NRXN1: variants seen among roughly 807,000 people sequenced by gnomAD.
NRXN1 encodes neurexin 1, also known as neurexin-1.
In NRXN1, 39 loss-of-function variants were observed where a neutral mutation model predicts 150.9. The ratio of observed to expected loss-of-function variants is 0.26; its 90% confidence interval spans 0.20 to 0.34. NRXN1 has a LOEUF of 0.34. Ranked by LOEUF, NRXN1 falls within the 10% of genes least tolerant of loss-of-function variation. The pLI, the probability that NRXN1 is intolerant of heterozygous loss-of-function variation, is 1.00. For synonymous variants in NRXN1, 924 were observed against 757.0 expected (o/e 1.22, Z -3.62); for missense variants, 1,815 against 1,949.9 (o/e 0.93, Z 1.30).
intron 17 of NRXN1, 137 bp downstream of exon 17, chr2:50,465,305 G>T: frequency 1.4e-6 from 1 of 738,488 alleles, no homozygotes; most frequent in Non-Finnish European, 1.9e-6. Context: ...CCTTTCCGTA[G>T]AAACAACTGC....
At chr2:50,827,362 C>T (rs1269092502) in intron 5 of NRXN1, among the ~76,000 whole-genome samples, 1 of 152,122 alleles carries the variant, frequency 6.6e-6, no homozygotes, top group East Asian at 1.9e-4. Flanking sequence ...GCTGTGAAAA[C>T]TCACAATAAT....
chr2:50,965,464 A>T lies in NRXN1; in HGVS notation c.773-39509T>A, dbSNP rs181798112. On this transcript the variant is annotated intron_variant, in intron 2 of 22. Coordinates refer to ENST00000401669, the MANE Select transcript of NRXN1 (RefSeq NM_001330078.2). ...TTTGCAAAATAACCGTTTGATTTTT[A>T]AAAAAAATAATAATTTTCAAACTGA... 4.2e-3 allele frequency among the ~76,000 whole-genome samples: 643 copies of T among 151,464 alleles called. 3 individuals are homozygous for T. The highest frequency in any genetic ancestry group is 0.012 in the African/African-American group (494 of 41,464).
chr2:50,117,580 G>A lies in NRXN1; in HGVS notation c.3547-26086C>T, dbSNP rs537794380. 2.0e-5 allele frequency among the ~76,000 whole-genome samples: 3 copies of A among 152,224 alleles called. No individual in the cohort carries two copies. In the East Asian group the frequency reaches 5.8e-4, roughly 29 times the overall value. ...CAAACACCAAGGTAAAGATGGATTA[G>A]AAGAACAAGTATTAAATGAATACAC... On this transcript the variant is annotated intron_variant, in intron 18 of 22. Coordinates refer to ENST00000401669, the MANE Select transcript of NRXN1 (RefSeq NM_001330078.2).
chr2:50,786,646 TC>T (rs1435641638), intron 5 of NRXN1, among the ~76,000 whole-genome samples: 4 of 152,138 alleles, frequency 2.6e-5, no homozygotes, highest in African/African-American at 9.7e-5. Flanking sequence ...TCAATTTTGA[TC>T]CGAGACACAT....
chr2:50,899,398 C>A (rs756210015), intron 5 of NRXN1, among the ~76,000 whole-genome samples: 1 of 152,068 alleles, frequency 6.6e-6, no homozygotes, highest in Non-Finnish European at 1.5e-5. Context: ...AAAGGAGGGT[C>A]TTCCCACTAC....
At chr2:49,936,816 G>GCGCA (rs202032583) in intron 22 of NRXN1, among the ~76,000 whole-genome samples, 3 of 149,888 alleles carry the variant, frequency 2.0e-5, no homozygotes, top group Non-Finnish European at 3.0e-5. Context: ...AAAAACATAT[G>GCGCA]TACACACACA....
At chr2:50,097,685 G>T (rs1700421631) in intron 18 of NRXN1, among the ~76,000 whole-genome samples, 1 of 151,764 alleles carries the variant, frequency 6.6e-6, no homozygotes, top group Non-Finnish European at 1.5e-5. Context: ...TATTGCCCAG[G>T]CTGGAGTGCA....
At chr2:50,380,228 A>G (rs1293184049) in intron 17 of NRXN1, among the ~76,000 whole-genome samples, 1 of 151,914 alleles carries the variant, frequency 6.6e-6, no homozygotes, top group Non-Finnish European at 1.5e-5. Flanking sequence ...ACTGTGTGCA[A>G]ATCTACTCAA....
At chr2:50,190,608 T>C (rs573764471) in intron 18 of NRXN1, among the ~76,000 whole-genome samples, 7 of 128,336 alleles carry the variant, frequency 5.5e-5, no homozygotes, top group Admixed American at 3.2e-4. Flanking sequence ...TCTAACTTTT[T>C]TTTTCTTTTT....
chr2:50,125,831 C>A (rs530245313), intron 18 of NRXN1, among the ~76,000 whole-genome samples: 183 of 152,118 alleles, frequency 1.2e-3, no homozygotes, highest in African/African-American at 4.2e-3. Flanking sequence ...AGAGAACCTG[C>A]ATATTTTTTG....
chr2:50,543,929 T>C (rs2093439494), intron 9 of NRXN1, among the ~76,000 whole-genome samples: 1 of 152,138 alleles, frequency 6.6e-6, no homozygotes, highest in Admixed American at 6.5e-5. Flanking sequence ...GAAAATCCGA[T>C]GTTCCAGCTC....
At chr2:50,227,722 T>C (rs889735188) in intron 18 of NRXN1, among the ~76,000 whole-genome samples, 2 of 151,980 alleles carry the variant, frequency 1.3e-5, no homozygotes, top group Admixed American at 6.6e-5. Flanking sequence ...GTTAGAAGGC[T>C]ATTGCAACAG....
intron 8 of NRXN1, among the ~76,000 whole-genome samples, chr2:50,591,498 T>G (rs114911997): frequency 2.1e-4 from 32 of 152,236 alleles, no homozygotes; most frequent in African/African-American, 7.2e-4. Context: ...AAGGAAAAAG[T>G]AAGCCAAACA....
intron 2 of NRXN1, among the ~76,000 whole-genome samples, chr2:50,994,992 C>G (rs761470897): frequency 6.6e-6 from 1 of 151,832 alleles, no homozygotes; most frequent in Non-Finnish European, 1.5e-5. Context: ...TGTCTGTTCT[C>G]AGTTTAAGAG....
intron 8 of NRXN1, among the ~76,000 whole-genome samples, chr2:50,613,869 C>A (rs1022070712): frequency 8.5e-5 from 13 of 152,086 alleles, no homozygotes; most frequent in Non-Finnish European, 1.9e-4. Flanking sequence ...ACCCAGGTGG[C>A]GGAGCTTGCA....
chr2:50,019,036 G>C (rs1241634481), intron 21 of NRXN1, among the ~76,000 whole-genome samples: 1 of 152,150 alleles, frequency 6.6e-6, no homozygotes, highest in Non-Finnish European at 1.5e-5. Context: ...CACAAGGTTA[G>C]GTAACAAGCA....
chr2:50,337,327 T>C (rs12466945), intron 17 of NRXN1, among the ~76,000 whole-genome samples: 57,323 of 151,908 alleles, frequency 0.38, 14,024 homozygotes, highest in African/African-American at 0.69. Flanking sequence ...TCAAATGATC[T>C]GCTCGCCTCA....
chr2:50,211,406 T>A (rs965744235), intron 18 of NRXN1, among the ~76,000 whole-genome samples: 8 of 151,654 alleles, frequency 5.3e-5, no homozygotes, highest in African/African-American at 1.7e-4. Flanking sequence ...CTATTTCTTC[T>A]TAAGATGAAA....
chr2:50,741,064 G>A (rs1699364210), intron 5 of NRXN1, among the ~76,000 whole-genome samples: 1 of 152,064 alleles, frequency 6.6e-6, no homozygotes, highest in African/African-American at 2.4e-5. Context: ...TGCACGCAGA[G>A]CATAATTGTG....
Sources: allele counts gnomAD v4.1 joint callset (sites outside exome capture counted in the v4.1 genomes callset), GRCh38; gene constraint gnomAD v4.1.1; transcripts MANE v1.5; gene names NCBI Gene and HGNC (gene_info 2026-07-23, HGNC 2026-07-21).